Variants in DOP1B observed in about 807,000 individuals in gnomAD.
DOP1B encodes the protein protein DOP1B.
Under a neutral mutation model 233.5 loss-of-function variants are expected in DOP1B, and 174 were observed. The observed-to-expected ratio is 0.75, with a 90% confidence interval of 0.66 to 0.85. DOP1B has a LOEUF of 0.85. Among genes scored for constraint, DOP1B ranks in the 40% least tolerant of loss-of-function variants. The pLI is 0.00. For synonymous variants in DOP1B, 1,190 were observed against 1,185.6 expected (o/e 1.00, Z -0.08); for missense variants, 2,652 against 2,846.6 (o/e 0.93, Z 1.56).
At chr21:36,174,098 G>A (rs1420759409) in intron 2 of DOP1B, among the ~76,000 whole-genome samples, 1 of 152,174 alleles carries the variant, frequency 6.6e-6, no homozygotes. Context: ...CAGAATTAGT[G>A]CTGCAGTGTG....
At chr21:36,215,390 T>TATGA (rs1034860501) in intron 9 of DOP1B, among the ~76,000 whole-genome samples, 1 of 152,078 alleles carries the variant, frequency 6.6e-6, no homozygotes, top group Non-Finnish European at 1.5e-5. Context: ...TTTATTTATT[T>TATGA]ATGAATGAAT....
chr21:36,233,900 C>A (rs2066795909), intron 15 of DOP1B, among the ~76,000 whole-genome samples: 1 of 152,172 alleles, frequency 6.6e-6, no homozygotes, highest in African/African-American at 2.4e-5. Context: ...GTCACCCAGG[C>A]TGGAGTGCAG....
intron 2 of DOP1B, among the ~76,000 whole-genome samples, chr21:36,173,654 A>G (rs1057095896): frequency 1.3e-5 from 2 of 151,784 alleles, no homozygotes; most frequent in Non-Finnish European, 2.9e-5. Context: ...CGATCTCCTG[A>G]CCTCATGATT....
At chr21:36,244,245 C>T (rs1377135388) in intron 18 of DOP1B, among the ~76,000 whole-genome samples, 1 of 151,806 alleles carries the variant, frequency 6.6e-6, no homozygotes, top group Admixed American at 6.6e-5. Context: ...TGGTCTCAAA[C>T]TCCTGACCTC....
chr21:36,169,520 C>T, intron 2 of DOP1B: 1 of 1,119,596 alleles, frequency 8.9e-7, no homozygotes, highest in South Asian at 1.3e-5. Context: ...CTTGGTCACC[C>T]CGATGATGTC....
intron 2 of DOP1B, chr21:36,169,249 G>T: frequency 1.1e-6 from 1 of 888,796 alleles, no homozygotes; most frequent in Non-Finnish European, 1.9e-6. Flanking sequence ...CGATGCTCTT[G>T]TCAGACAGGT....
chr21:36,289,173 C>G lies in DOP1B; in HGVS notation c.6482C>G (p.Ser2161Cys), dbSNP rs1478996338. ...TGCAAATTCTTGGACACAGCGCTTTCTTTTCCACCTGACAAGATGCCATTA... is the reference window on the plus strand; with the variant it reads ...TGCAAATTCTTGGACACAGCGCTTTGTTTTCCACCTGACAAGATGCCATTA... ...SACKFLDTAL[S>C]FPPDKMPLFQ... The change falls in exon 35 of 37, where the codon TCT becomes TGT. Residue 2161 changes from serine to cysteine, a missense_variant. Transcript: ENST00000691173. The G allele has an allele frequency of 1.9e-6, 3 of 1,613,964 alleles. No homozygotes were observed. Among genetic ancestry groups the G allele is most frequent in the Non-Finnish European group, 2.5e-6 (3 of 1,180,020 alleles).
At chr21:36,241,503 C>CTT (rs1165636640) in intron 18 of DOP1B, among the ~76,000 whole-genome samples, 8,996 of 76,632 alleles carry the variant, frequency 0.12, 1,028 homozygotes, top group East Asian at 0.22. Flanking sequence ...TTATCTTAAT[C>CTT]TTTTTTTTTT....
intron 15 of DOP1B, among the ~76,000 whole-genome samples, chr21:36,234,588 T>C (rs2066805557): frequency 6.6e-6 from 1 of 152,134 alleles, no homozygotes; most frequent in African/African-American, 2.4e-5. Context: ...TCTTGCTCTG[T>C]TGCCCAGGCT....
chr21:36,204,249 G>A (rs1210547996), intron 4 of DOP1B, among the ~76,000 whole-genome samples: 3 of 152,198 alleles, frequency 2.0e-5, no homozygotes, highest in African/African-American at 7.2e-5. Context: ...CCAGATGTCA[G>A]TGGGGTGGAC....
At chr21:36,283,993 G>A (rs1292028293) in intron 32 of DOP1B, among the ~76,000 whole-genome samples, 11 of 142,762 alleles carry the variant, frequency 7.7e-5, no homozygotes, top group Non-Finnish European at 1.3e-4. Context: ...TGTCACCCAG[G>A]CTGGAGTACA....
chr21:36,290,585 G>A (rs1482090011), intron 35 of DOP1B, among the ~76,000 whole-genome samples: 7 of 152,130 alleles, frequency 4.6e-5, no homozygotes, highest in Non-Finnish European at 1.5e-5. Flanking sequence ...GATCACCTGA[G>A]TTTGGGATCA....
In DOP1B at chr21:36,293,498, CAGAT is replaced by C. The variant is rs1214960008; in HGVS notation, c.6827_6830del (p.Asp2276AlafsTer5). 1.2e-6 allele frequency: 2 copies of C among 1,613,956 alleles called. No individual in the cohort carries two copies. Among genetic ancestry groups the C allele is most frequent in the Non-Finnish European group, 1.7e-6 (2 of 1,179,916 alleles). On this transcript the variant is annotated frameshift_variant, in exon 37 of 37. Coordinates refer to ENST00000691173, the MANE Select transcript of DOP1B (RefSeq NM_001320714.2). LOFTEE classifies it high-confidence loss of function. ...ACTCCATTCTTGGACTTTCCTGTCA[CAGAT>C]AGCCCAAGGATCTTAAAACAACTGG... is the stretch of plus-strand genomic sequence containing the variant.
intron 4 of DOP1B, among the ~76,000 whole-genome samples, chr21:36,205,577 G>A (rs535594332): frequency 4.6e-5 from 7 of 151,952 alleles, no homozygotes; most frequent in African/African-American, 1.7e-4. Flanking sequence ...TAGTAGAGAC[G>A]GGGTTTTACC....
intron 5 of DOP1B, 82 bp downstream of exon 5, chr21:36,208,986 C>T: frequency 7.3e-7 from 1 of 1,364,464 alleles, no homozygotes; most frequent in Non-Finnish European, 9.6e-7. Context: ...GTCACTGAAG[C>T]TGCAAAGGGA....
chr21:36,237,973 G>T (rs1319593310), intron 16 of DOP1B, among the ~76,000 whole-genome samples: 1 of 152,198 alleles, frequency 6.6e-6, no homozygotes, highest in Non-Finnish European at 1.5e-5. Context: ...TTTGAGACCA[G>T]CCTGGGCAAC....
intron 23 of DOP1B, among the ~76,000 whole-genome samples, chr21:36,259,825 T>C (rs543030604): frequency 1.3e-5 from 2 of 152,328 alleles, no homozygotes; most frequent in South Asian, 2.1e-4. Context: ...AGCTGACTGA[T>C]TTTTGGCGGT....
Position 36,199,130 on chromosome 21 carries a change from T to A in DOP1B, c.199T>A (p.Leu67Ile). The change falls in exon 3 of 37, where the codon TTA becomes ATA. Residue 67 changes from leucine to isoleucine, a missense_variant. Leu to Ile is a conservative substitution (Grantham distance 5). Around this residue, in one of 3 missense-constraint regions of DOP1B, gnomAD observed 2,617 missense variants for 2,794.3 expected, o/e 0.94. Transcript: ENST00000691173. ...AAGACGGCTCCTCATCAGCAAAAGA[T>A]TAGCTCAGTGTTTGCACCCTGCCCT... ...LPRRLLISKR[L>I]AQCLHPALPS... The A allele has an allele frequency of 6.2e-7, 1 of 1,614,162 alleles. No homozygotes were observed.
chr21:36,293,534 G>A lies in DOP1B; in HGVS notation c.6860G>A (p.Cys2287Tyr), dbSNP rs768366344. 1 of 1,614,142 alleles carries A rather than the reference G, an allele frequency of 6.2e-7. No homozygotes were observed. Among genetic ancestry groups the A allele is most frequent in the Non-Finnish European group, 8.5e-7 (1 of 1,179,990 alleles). Reference protein sequence around the residue: ...SPRILKQLEECIEYDFLEHPE... With the variant: ...SPRILKQLEEYIEYDFLEHPE... ...AGGATCTTAAAACAACTGGAAGAAT[G>A]CATCGAATATGATTTTCTGGAACAT... is the stretch of plus-strand genomic sequence containing the variant. Residue 2287 changes from cysteine (C) to tyrosine (Y), a missense_variant, in exon 37 of 37, where the codon TGC becomes TAC. Physicochemically the swap from Cys to Tyr is radical, Grantham distance 194. Around this residue, in one of 3 missense-constraint regions of DOP1B, gnomAD observed 31 missense variants for 34.2 expected, o/e 0.91. Coordinates refer to ENST00000691173, the MANE Select transcript of DOP1B (RefSeq NM_001320714.2).
Sources: gnomAD v4.1 joint callset for allele counts (sites outside exome capture counted in the v4.1 genomes callset) on GRCh38, gnomAD v4.1.1 for gene constraint, gnomAD v4.1.1 regional missense constraint, MANE v1.5 for transcripts, NCBI Gene and HGNC (gene_info 2026-07-23, HGNC 2026-07-21) for gene names.